The following MAF variants were observed in gnomAD, a reference collection of about 807,000 sequenced individuals.
MAF encodes the protein transcription factor Maf.
In MAF, 10 loss-of-function variants were observed where a neutral mutation model predicts 22.0. That is an observed-to-expected ratio of 0.45 (90% confidence interval 0.28 to 0.77). The LOEUF is 0.77. MAF is among the 30% of genes least tolerant of loss of function. MAF has a pLI of 0.12. For missense variants in MAF, 544 were observed against 548.4 expected, an observed-to-expected ratio of 0.99 and a Z score of 0.08; for synonymous variants, 337 against 255.8, an observed-to-expected ratio of 1.32 and a Z score of -3.03.
At chr16:79,544,689 C>A in the MAF span, among the ~76,000 whole-genome samples, 1 of 148,618 alleles carries the variant, frequency 6.7e-6, no homozygotes, top group Non-Finnish European at 1.5e-5. Flanking sequence ...AGGAGAATGG[C>A]GTGAACCCAG....
the MAF span, among the ~76,000 whole-genome samples, chr16:79,569,807 T>C: frequency 6.6e-6 from 1 of 152,202 alleles, no homozygotes; most frequent in Admixed American, 6.5e-5. Context: ...GTGACCAATG[T>C]TAGGAACCAC....
At chr16:79,222,787 A>G in the MAF span, among the ~76,000 whole-genome samples, 3 of 152,240 alleles carry the variant, frequency 2.0e-5, no homozygotes, top group South Asian at 6.2e-4. Context: ...GGCATTACAT[A>G]ATGGTAAAGG....
At chr16:79,243,844 A>G in the MAF span, among the ~76,000 whole-genome samples, 2 of 152,100 alleles carry the variant, frequency 1.3e-5, no homozygotes, top group Non-Finnish European at 2.9e-5. Flanking sequence ...CGAATCCAGC[A>G]GCACATCAAA....
At chr16:79,531,100 T>C in the MAF span, among the ~76,000 whole-genome samples, 2 of 152,252 alleles carry the variant, frequency 1.3e-5, no homozygotes, top group African/African-American at 4.8e-5. Flanking sequence ...AAGTATGTAC[T>C]CTTAACTTTC....
chr16:79,514,056 C>T, the MAF span, among the ~76,000 whole-genome samples: 1 of 152,216 alleles, frequency 6.6e-6, no homozygotes, highest in Non-Finnish European at 1.5e-5. Flanking sequence ...TCCCTCCTTC[C>T]CCTACATTTT....
the MAF span, among the ~76,000 whole-genome samples, chr16:79,553,666 G>A: frequency 6.6e-6 from 1 of 152,216 alleles, no homozygotes; most frequent in Non-Finnish European, 1.5e-5. Flanking sequence ...GGGGAAGGCT[G>A]GAAGTTCTCA....
chr16:79,424,646 T>C, the MAF span, among the ~76,000 whole-genome samples: 1 of 152,198 alleles, frequency 6.6e-6, no homozygotes, highest in African/African-American at 2.4e-5. Flanking sequence ...TTTACTGCAA[T>C]TGCTGGAGTA....
chr16:79,233,914 T>C, the MAF span, among the ~76,000 whole-genome samples: 10,892 of 149,950 alleles, frequency 0.073, 574 homozygotes, highest in Middle Eastern at 0.14. Context: ...ATCCCTTGAA[T>C]ATGGGAGGCG....
chr16:79,474,771 G>C, the MAF span, among the ~76,000 whole-genome samples: 1 of 152,112 alleles, frequency 6.6e-6, no homozygotes. Context: ...TTGGAGGCAA[G>C]AAGGGACCAT....
At chr16:79,586,846 A>G (rs922178725) in intron 1 of MAF, among the ~76,000 whole-genome samples, 1 of 152,256 alleles carries the variant, frequency 6.6e-6, no homozygotes, top group African/African-American at 2.4e-5. Flanking sequence ...AAAATTCAAC[A>G]TGGTCACAGA....
the MAF span, among the ~76,000 whole-genome samples, chr16:79,492,479 A>G: frequency 4.7e-5 from 2 of 42,222 alleles, no homozygotes; most frequent in African/African-American, 6.2e-5. Flanking sequence ...TATATATAGC[A>G]AAAGAAAAAA....
chr16:79,299,761 T>G, the MAF span, among the ~76,000 whole-genome samples: 2 of 152,258 alleles, frequency 1.3e-5, no homozygotes, highest in Non-Finnish European at 2.9e-5. Flanking sequence ...TGGGTGCCCG[T>G]GTGTTCCAAT....
chr16:79,396,715 G>C, the MAF span, among the ~76,000 whole-genome samples: 2 of 152,202 alleles, frequency 1.3e-5, no homozygotes, highest in African/African-American at 2.4e-5. Flanking sequence ...GGAGTCACTG[G>C]AGCATCTTTC....
chr16:79,282,221 C>A, the MAF span, among the ~76,000 whole-genome samples: 15 of 152,094 alleles, frequency 9.9e-5, no homozygotes, highest in African/African-American at 3.6e-4. Flanking sequence ...TGGGGACACC[C>A]GTGGTTTCAA....
the MAF span, among the ~76,000 whole-genome samples, chr16:79,549,989 G>A: frequency 2.6e-5 from 4 of 152,166 alleles, no homozygotes; most frequent in Non-Finnish European, 5.9e-5. Context: ...TAGCCTTGGT[G>A]GCAGTATAAA....
the MAF span, among the ~76,000 whole-genome samples, chr16:79,562,150 A>C: frequency 6.6e-6 from 1 of 152,124 alleles, no homozygotes; most frequent in Non-Finnish European, 1.5e-5. Flanking sequence ...CTCATCCCTA[A>C]ATATTCAACT....
the MAF span, among the ~76,000 whole-genome samples, chr16:79,464,301 G>A: frequency 6.6e-6 from 1 of 152,116 alleles, no homozygotes; most frequent in Admixed American, 6.5e-5. Flanking sequence ...ATCTGACTGT[G>A]TAGAGATAAC....
chr16:79,263,081 C>T, the MAF span, among the ~76,000 whole-genome samples: 2 of 152,134 alleles, frequency 1.3e-5, no homozygotes, highest in Admixed American at 1.3e-4. Flanking sequence ...TAATGCAGGT[C>T]ATCAACACTC....
the MAF span, among the ~76,000 whole-genome samples, chr16:79,449,435 C>T: frequency 6.6e-6 from 1 of 152,174 alleles, no homozygotes; most frequent in African/African-American, 2.4e-5. Context: ...GAACAGAACC[C>T]GCAATAGCTG....
Sources: gnomAD v4.1 joint callset for allele counts (sites outside exome capture counted in the v4.1 genomes callset) on GRCh38, gnomAD v4.1.1 for gene constraint, MANE v1.5 for transcripts, NCBI Gene and HGNC (gene_info 2026-07-23, HGNC 2026-07-21) for gene names.